The following ATG7 variants were observed in gnomAD, a reference collection of about 807,000 sequenced individuals.
ATG7 encodes the protein autophagy related 7, also known as ubiquitin-like modifier-activating enzyme ATG7.
Under a neutral mutation model 82.4 loss-of-function variants are expected in ATG7, and 70 were observed. That is an observed-to-expected ratio of 0.85 (90% CI 0.70 to 1.04). ATG7 has a LOEUF of 1.04. Ranked by LOEUF, ATG7 falls within the 50% of genes least tolerant of loss-of-function variation. The pLI, the probability that ATG7 is intolerant of heterozygous loss-of-function variation, is 0.00. For synonymous variants in ATG7, 287 were observed against 313.0 expected (o/e 0.92, Z 0.88); for missense variants, 792 against 864.3 (o/e 0.92, Z 1.05).
chr3:11,507,374 A>G (rs2091792333), intron 20 of ATG7, among the ~76,000 whole-genome samples: 1 of 152,250 alleles, frequency 6.6e-6, no homozygotes, highest in African/African-American at 2.4e-5. Context: ...TTATCAAAGT[A>G]TTTTAAAAAC....
At chr3:11,381,482 G>A (rs1256049667) in intron 19 of ATG7, among the ~76,000 whole-genome samples, 2 of 152,166 alleles carry the variant, frequency 1.3e-5, no homozygotes, top group Admixed American at 1.3e-4. Flanking sequence ...ATTCATTCTT[G>A]TTCTATTTCT....
chr3:11,486,432 T>A (rs1206419095), intron 20 of ATG7, among the ~76,000 whole-genome samples: 1 of 152,192 alleles, frequency 6.6e-6, no homozygotes, highest in East Asian at 1.9e-4. Flanking sequence ...ATAAGGAGAT[T>A]TTGGGCTGAG....
At chr3:11,396,100 G>T (rs959978618) in intron 19 of ATG7, among the ~76,000 whole-genome samples, 4 of 149,706 alleles carry the variant, frequency 2.7e-5, no homozygotes, top group African/African-American at 9.9e-5. Flanking sequence ...GATCCAAAAC[G>T]TTAAATCAGA....
intron 20 of ATG7, among the ~76,000 whole-genome samples, chr3:11,451,977 A>G (rs1339847178): frequency 3.3e-5 from 5 of 149,946 alleles, no homozygotes; most frequent in Non-Finnish European, 7.4e-5. Context: ...TAGACAATCC[A>G]TAGAAACATA....
chr3:11,493,947 T>A (rs1246231453), intron 20 of ATG7, among the ~76,000 whole-genome samples: 1 of 152,182 alleles, frequency 6.6e-6, no homozygotes, highest in Non-Finnish European at 1.5e-5. Flanking sequence ...GAAACTGTGT[T>A]ATAAGAAGCA....
At chr3:11,550,679 T>C (rs56053623) in intron 20 of ATG7, among the ~76,000 whole-genome samples, 33,959 of 152,100 alleles carry the variant, frequency 0.22, 4,182 homozygotes, top group African/African-American at 0.29. Flanking sequence ...ATTATAGGCA[T>C]GCCTGGCCTC....
At chr3:11,288,213 A>C (rs1316362028) in intron 3 of ATG7, among the ~76,000 whole-genome samples, 3 of 152,220 alleles carry the variant, frequency 2.0e-5, no homozygotes, top group Non-Finnish European at 4.4e-5. Flanking sequence ...GCTAATGGAG[A>C]ACTCATTATC....
Position 11,417,108 on chromosome 3 carries a change from G to C in ATG7, c.1957-9696G>C, listed in dbSNP as rs141890557. ...TTTATGGCCCAGAATGTTCTACCTT[G>C]GTGAATATTCCATGTGAATGTGAGA... On this transcript the variant is annotated intron_variant, in intron 19 of 20. Coordinates refer to ENST00000693202, the MANE Select transcript of ATG7 (RefSeq NM_001349232.2). Among the ~76,000 whole-genome samples, 988 of 152,184 alleles carry C rather than the reference G, an allele frequency of 6.5e-3. 3 individuals are homozygous for C. The highest frequency in any genetic ancestry group is 0.014 in the Middle Eastern group (4 of 294).
chr3:11,333,142 C>T (rs781514743), intron 11 of ATG7, 49 bp downstream of exon 11: 30 of 1,488,360 alleles, frequency 2.0e-5, no homozygotes, highest in Non-Finnish European at 2.7e-5. Flanking sequence ...TTATCAGAAA[C>T]GGAACCAGGT....
intron 3 of ATG7, among the ~76,000 whole-genome samples, chr3:11,287,303 A>G (rs1168443612): frequency 2.0e-5 from 3 of 152,186 alleles, no homozygotes; most frequent in Non-Finnish European, 2.9e-5. Context: ...AAGACAGGCG[A>G]GGCACCTCTG....
intron 7 of ATG7, among the ~76,000 whole-genome samples, chr3:11,310,656 G>C (rs1389621260): frequency 6.8e-6 from 1 of 147,390 alleles, no homozygotes; most frequent in Non-Finnish European, 1.5e-5. Context: ...TTTTTGAGAC[G>C]GAGTCTCGCT....
rs369991972 is a variant in ATG7, at chr3:11,349,392, G to C, written c.1284+1357G>C. On this transcript the variant is annotated intron_variant, in intron 14 of 20. Coordinates refer to ENST00000693202, the MANE Select transcript of ATG7 (RefSeq NM_001349232.2). ...TATCTCTTTAAAATAAAATTAGCCA[G>C]GTGTGGTGGTGGTGTGCATCTGTAG... is the stretch of plus-strand genomic sequence containing the variant. 5.3e-5 allele frequency among the ~76,000 whole-genome samples: 8 copies of C among 152,174 alleles called. No homozygotes were observed. The South Asian group carries it at 1.7e-3, about 32-fold the overall frequency.
chr3:11,500,507 A>G (rs915255555), intron 20 of ATG7, among the ~76,000 whole-genome samples: 1 of 152,246 alleles, frequency 6.6e-6, no homozygotes. Flanking sequence ...CACCATTGGG[A>G]AATTTTAAAA....
At chr3:11,477,682 G>T (rs879284731) in intron 20 of ATG7, among the ~76,000 whole-genome samples, 1 of 152,156 alleles carries the variant, frequency 6.6e-6, no homozygotes, top group Non-Finnish European at 1.5e-5. Context: ...GAACAAGGGG[G>T]AATTTTTTTG....
intron 19 of ATG7, among the ~76,000 whole-genome samples, chr3:11,400,505 A>G (rs2079731832): frequency 6.6e-6 from 1 of 152,206 alleles, no homozygotes; most frequent in Non-Finnish European, 1.5e-5. Context: ...ACTACTGGGA[A>G]TAACGTTGCC....
chr3:11,320,436 C>T (rs559626190), intron 9 of ATG7, among the ~76,000 whole-genome samples: 7 of 152,146 alleles, frequency 4.6e-5, no homozygotes, highest in South Asian at 4.1e-4. Context: ...TACAGGCATA[C>T]GCCACCACAC....
intron 18 of ATG7, among the ~76,000 whole-genome samples, chr3:11,375,782 A>AT (rs2077373390): frequency 6.6e-6 from 1 of 152,184 alleles, no homozygotes. Context: ...CTGGTCTTGA[A>AT]TTCCCGACCT....
At chr3:11,312,909 G>C (rs545024278) in intron 7 of ATG7, among the ~76,000 whole-genome samples, 2 of 152,122 alleles carry the variant, frequency 1.3e-5, no homozygotes, top group South Asian at 4.1e-4. Context: ...CATCTTTTTT[G>C]TTGTTGTTTA....
At chr3:11,302,180 G>A (rs1388680971) in intron 5 of ATG7, among the ~76,000 whole-genome samples, 4 of 152,206 alleles carry the variant, frequency 2.6e-5, no homozygotes, top group Admixed American at 2.6e-4. Flanking sequence ...TGAAGATTTG[G>A]AATCTATGGC....
Sources: allele counts gnomAD v4.1 joint callset (sites outside exome capture counted in the v4.1 genomes callset), GRCh38; gene constraint gnomAD v4.1.1; transcripts MANE v1.5; gene names NCBI Gene and HGNC (gene_info 2026-07-23, HGNC 2026-07-21).